The following THSD7B variants were observed in gnomAD, a reference collection of about 807,000 sequenced individuals.
THSD7B encodes thrombospondin type-1 domain-containing protein 7B.
A neutral mutation model predicts 213.6 loss-of-function variants in THSD7B; 138 were observed. The observed-to-expected ratio is 0.65, with a 90% CI of 0.56 to 0.74. The LOEUF is 0.74. THSD7B is among the 30% of genes least tolerant of loss of function. THSD7B has a pLI of 0.00. For missense variants in THSD7B, 1,931 were observed against 1,991.5 expected, an observed-to-expected ratio of 0.97 and a Z score of 0.58; for synonymous variants, 742 against 687.0, an observed-to-expected ratio of 1.08 and a Z score of -1.25.
At chr2:137,432,861 T>C (rs1687215036) in intron 14 of THSD7B, among the ~76,000 whole-genome samples, 1 of 152,244 alleles carries the variant, frequency 6.6e-6, no homozygotes, top group African/African-American at 2.4e-5. Flanking sequence ...TCTATACTCT[T>C]ACAGAAATTT....
chr2:137,197,023 A>G (rs1326960810), intron 7 of THSD7B, among the ~76,000 whole-genome samples: 2 of 152,180 alleles, frequency 1.3e-5, no homozygotes, highest in African/African-American at 2.4e-5. Flanking sequence ...TAATCACACA[A>G]TCATGAGGAA....
At position 137,071,927 on chromosome 2, in the gene THSD7B, G is replaced by A. The variant is rs994850152; in HGVS notation, c.950+14697G>A. On this transcript the variant is annotated intron_variant, in intron 3 of 27. Transcript: ENST00000409968. Reference sequence around the variant, plus strand: ...AAGATCAGATAGTTGCAGATATGCGGCATTATTTCTGAGGGCTCTGTTCTG... The same window carrying A: ...AAGATCAGATAGTTGCAGATATGCGACATTATTTCTGAGGGCTCTGTTCTG... Among the ~76,000 whole-genome samples, 10 of 152,256 alleles carry A rather than the reference G, an allele frequency of 6.6e-5. No homozygotes were observed. In the South Asian group the frequency reaches 8.3e-4, roughly 13 times the overall value.
intron 3 of THSD7B, among the ~76,000 whole-genome samples, chr2:137,072,649 G>T (rs1002700263): frequency 2.0e-5 from 3 of 152,158 alleles, no homozygotes; most frequent in African/African-American, 7.2e-5. Flanking sequence ...TGTTGAATAG[G>T]AGTGGTGAGA....
rs1168932594 is a variant in THSD7B, at chr2:137,560,222, A to G, written c.3139-2999A>G. ...CATCCCATTGCTGGGTATATACCCA[A>G]AGGATTATAAATCATGCTGCTATAA... On this transcript the variant is annotated intron_variant, in intron 15 of 27. Coordinates refer to ENST00000409968, the MANE Select transcript of THSD7B (RefSeq NM_001316349.2). Among the ~76,000 whole-genome samples the G allele has an allele frequency of 3.9e-5, 6 of 152,170 alleles. 1 individual carries two copies. The East Asian group carries it at 9.6e-4, about 24-fold the overall frequency.
intron 2 of THSD7B, among the ~76,000 whole-genome samples, chr2:136,943,462 G>A (rs1684870210): frequency 1.3e-5 from 2 of 152,200 alleles, no homozygotes; most frequent in Non-Finnish European, 1.5e-5. Flanking sequence ...TATGGTACCA[G>A]CTCCTTTTTG....
At chr2:137,667,548 G>A (rs1416459155) in intron 26 of THSD7B, among the ~76,000 whole-genome samples, 1 of 152,130 alleles carries the variant, frequency 6.6e-6, no homozygotes, top group Non-Finnish European at 1.5e-5. Context: ...GTATTCCTAT[G>A]ATGTTCTAAG....
chr2:137,145,032 A>C (rs1479110211), intron 5 of THSD7B, among the ~76,000 whole-genome samples: 1 of 152,042 alleles, frequency 6.6e-6, no homozygotes, highest in African/African-American at 2.4e-5. Flanking sequence ...TCAAGGAGAG[A>C]GCACAGCTCT....
chr2:137,231,077 C>G lies in THSD7B; in HGVS notation c.1757C>G (p.Pro586Arg). The G allele has an allele frequency of 6.2e-7, 1 of 1,613,610 alleles. No homozygotes were observed. The highest frequency in any genetic ancestry group is 8.5e-7 in the Non-Finnish European group (1 of 1,179,744). Reference sequence around the variant, plus strand: ...GTATCAGGGAGTCTTTGCCCAGTTCCCCCTCCTCCTGAGAGGAAGTCTTGT... The same window carrying G: ...GTATCAGGGAGTCTTTGCCCAGTTCGCCCTCCTCCTGAGAGGAAGTCTTGT... ...EDVSGSLCPVPPPPERKSCEI... is the reference protein window; with the variant it reads ...EDVSGSLCPVRPPPERKSCEI... Residue 586 changes from proline to arginine, a missense_variant, in exon 8 of 28, where the codon CCC (proline) becomes CGC (arginine). Physicochemically the swap from Pro to Arg is moderately radical, Grantham distance 103 (BLOSUM62 -2). Transcript: ENST00000409968.
At chr2:137,371,372 C>T (rs147910232) in intron 12 of THSD7B, among the ~76,000 whole-genome samples, 113 of 152,236 alleles carry the variant, frequency 7.4e-4, no homozygotes, top group Non-Finnish European at 1.2e-3. Context: ...AATTCTAAGT[C>T]GGACACAGTT....
chr2:137,349,299 T>C (rs1684958202), intron 12 of THSD7B, among the ~76,000 whole-genome samples: 1 of 151,802 alleles, frequency 6.6e-6, no homozygotes, highest in Non-Finnish European at 1.5e-5. Flanking sequence ...CCATTTGTCA[T>C]TTCTTTATGG....
chr2:137,389,193 C>CATATATATATATATATATATATATAT lies in THSD7B; in HGVS notation c.2501-16396_2501-16395insATATATATATATATATATATATATAT, dbSNP rs59969102. On this transcript the variant is annotated intron_variant, in intron 12 of 27. Transcript: ENST00000409968. ...ATCACCAGTCTCACCATATATCTGT[C>CATATATATATATATATATATATATAT]ATATATATATATATATATATATATG... Among the ~76,000 whole-genome samples, 30 of 127,268 alleles carry CATATATATATATATATATATATATAT rather than the reference C, an allele frequency of 2.4e-4. 1 individual carries two copies. Among genetic ancestry groups the CATATATATATATATATATATATATAT allele is most frequent in the African/African-American group, 9.0e-4 (29 of 32,324 alleles). The allele number at this position is 127,268 out of a possible 152,430, so 83.5% of individuals were successfully genotyped here.
At chr2:137,670,476 T>A (rs1475060953) in intron 27 of THSD7B, among the ~76,000 whole-genome samples, 1 of 36,084 alleles carries the variant, frequency 2.8e-5, no homozygotes, top group East Asian at 1.1e-3. Context: ...ACAAGGAAAA[T>A]TTTTTAAAAT....
intron 1 of THSD7B, among the ~76,000 whole-genome samples, chr2:136,781,611 C>G (rs564073835): frequency 6.6e-6 from 1 of 151,916 alleles, no homozygotes; most frequent in Non-Finnish European, 1.5e-5. Flanking sequence ...TCTATATGTC[C>G]AGCTCCCTCC....
At chr2:137,603,904 A>G (rs138034881) in intron 17 of THSD7B, among the ~76,000 whole-genome samples, 1,712 of 152,266 alleles carry the variant, frequency 0.011, 11 homozygotes, top group Non-Finnish European at 0.018. Context: ...TGAGGTCAGG[A>G]GTTCAAGAGT....
rs1558737507 is a variant in THSD7B at position 137,271,408 on chromosome 2, A to C, written c.2267-1125A>C. ...ATATATTATGAATTATATATATATG[A>C]ATTATAATATATAATTATATAATAT... On this transcript the variant is annotated intron_variant, in intron 10 of 27. Transcript: ENST00000409968. Among the ~76,000 whole-genome samples the C allele has an allele frequency of 8.3e-4, 116 of 140,542 alleles. 2 individuals are homozygous for C. In the East Asian group the frequency reaches 0.018, roughly 22 times the overall value. The allele number at this position is 140,542 out of a possible 152,430, so 92.2% of individuals were successfully genotyped here. A position where few individuals can be genotyped will look rare whatever the true frequency, so the allele number is the denominator to read the frequency against.
At chr2:136,777,628 C>G (rs1314817748) in intron 1 of THSD7B, among the ~76,000 whole-genome samples, 1 of 152,086 alleles carries the variant, frequency 6.6e-6, no homozygotes. Context: ...TTGATTCTCT[C>G]TTTTAAAGCT....
At chr2:137,331,643 C>T (rs915442624) in intron 12 of THSD7B, among the ~76,000 whole-genome samples, 32 of 152,256 alleles carry the variant, frequency 2.1e-4, no homozygotes, top group African/African-American at 5.3e-4. Flanking sequence ...TGGGACTGGG[C>T]GCTGTGGAGC....
chr2:136,922,064 T>C (rs1684446376), intron 2 of THSD7B, among the ~76,000 whole-genome samples: 1 of 152,202 alleles, frequency 6.6e-6, no homozygotes, highest in African/African-American at 2.4e-5. Flanking sequence ...TGTTCTCTTA[T>C]TTCCCCTTCA....
intron 2 of THSD7B, among the ~76,000 whole-genome samples, chr2:136,886,269 CTGACTTTCTTGT>C (rs1228712384): frequency 6.6e-6 from 1 of 152,048 alleles, no homozygotes; most frequent in Non-Finnish European, 1.5e-5. Flanking sequence ...GTGACATAAG[CTGACTTTCTTGT>C]TGACTTTCTT....
Sources: allele counts gnomAD v4.1 joint callset (sites outside exome capture counted in the v4.1 genomes callset), GRCh38; gene constraint gnomAD v4.1.1; transcripts MANE v1.5; gene names NCBI Gene and HGNC (gene_info 2026-07-23, HGNC 2026-07-21).